The following AGBL1 variants were observed in gnomAD, a reference collection of about 807,000 sequenced individuals.
AGBL1 encodes the protein cytosolic carboxypeptidase 4.
Under a neutral mutation model 118.9 loss-of-function variants are expected in AGBL1, and 130 were observed. That is an observed-to-expected ratio of 1.09 (90% CI 0.95 to 1.26). AGBL1 has a LOEUF of 1.26. Ranked by LOEUF, AGBL1 falls within the 50% of genes most tolerant of loss-of-function variation. The pLI is 0.00. For missense variants in AGBL1, 1,584 were observed against 1,298.1 expected (o/e 1.22, Z -3.38); for synonymous variants, 555 against 478.9 (o/e 1.16, Z -2.08).
intron 22 of AGBL1, among the ~76,000 whole-genome samples, chr15:86,707,289 C>T (rs1317435782): frequency 6.6e-6 from 1 of 152,084 alleles, no homozygotes; most frequent in Non-Finnish European, 1.5e-5. Context: ...AAAAATAAAT[C>T]CAGGTATATA....
intron 3 of AGBL1, 76 bp downstream of exon 3, chr15:86,143,921 C>G: frequency 1.3e-6 from 2 of 1,531,248 alleles, no homozygotes; most frequent in Non-Finnish European, 1.8e-6. Flanking sequence ...ATTTGGGAAG[C>G]TTTGGTGGAG....
chr15:86,679,768 A>T (rs1361331035), intron 22 of AGBL1, among the ~76,000 whole-genome samples: 1 of 152,156 alleles, frequency 6.6e-6, no homozygotes, highest in African/African-American at 2.4e-5. Context: ...AGATTAGATG[A>T]TTAATTTTAT....
intron 22 of AGBL1, among the ~76,000 whole-genome samples, chr15:86,852,494 ACT>A (rs1376650752): frequency 2.0e-5 from 3 of 151,542 alleles, no homozygotes; most frequent in African/African-American, 4.9e-5. Context: ...CTATCTGGAA[ACT>A]CTATTCTGAT....
At chr15:86,800,122 A>C (rs1459504948) in intron 22 of AGBL1, among the ~76,000 whole-genome samples, 2 of 152,104 alleles carry the variant, frequency 1.3e-5, no homozygotes, top group East Asian at 1.9e-4. Flanking sequence ...CTTTAGCAAA[A>C]AACACCTGCA....
intron 21 of AGBL1, among the ~76,000 whole-genome samples, chr15:86,671,513 A>T (rs2085746141): frequency 1.3e-5 from 2 of 152,172 alleles, no homozygotes; most frequent in Admixed American, 1.3e-4. Flanking sequence ...CTTTTAAACA[A>T]ATCCGGAGCC....
At chr15:86,660,107 T>G (rs1396673739) in intron 21 of AGBL1, among the ~76,000 whole-genome samples, 1 of 151,610 alleles carries the variant, frequency 6.6e-6, no homozygotes, top group Admixed American at 6.6e-5. Context: ...GAACCATAGA[T>G]GTTTAGACCT....
At chr15:86,681,733 A>G (rs2085961446) in intron 22 of AGBL1, among the ~76,000 whole-genome samples, 1 of 152,176 alleles carries the variant, frequency 6.6e-6, no homozygotes, top group Non-Finnish European at 1.5e-5. Flanking sequence ...TCTTGTTTTA[A>G]TAGAAAGTAA....
At chr15:86,720,715 G>C (rs1036493987) in intron 22 of AGBL1, among the ~76,000 whole-genome samples, 1 of 152,058 alleles carries the variant, frequency 6.6e-6, no homozygotes, top group Admixed American at 6.6e-5. Context: ...TGGGACATAA[G>C]AAAGAAAAGA....
chr15:86,438,144 G>T (rs1293381550), intron 18 of AGBL1, among the ~76,000 whole-genome samples: 1 of 152,100 alleles, frequency 6.6e-6, no homozygotes. Context: ...CTGACCTCAT[G>T]ATCCATCCAT....
At chr15:86,827,964 A>C (rs1434799808) in intron 22 of AGBL1, among the ~76,000 whole-genome samples, 1 of 9,618 alleles carries the variant, frequency 1.0e-4, no homozygotes, top group South Asian at 3.1e-3. Context: ...TTTTTGAGAC[A>C]GTATCTTGTT....
At chr15:86,121,671 C>A (rs145800056) in intron 1 of AGBL1, among the ~76,000 whole-genome samples, 3 of 152,342 alleles carry the variant, frequency 2.0e-5, no homozygotes, top group South Asian at 2.1e-4. Context: ...GAGGAACCCA[C>A]GTTTCTAAAA....
intron 15 of AGBL1, among the ~76,000 whole-genome samples, chr15:86,276,942 A>C (rs2079261970): frequency 6.6e-6 from 1 of 152,092 alleles, no homozygotes; most frequent in Non-Finnish European, 1.5e-5. Context: ...AGGTCCTGGG[A>C]AAGTTTAAAG....
At chr15:86,159,687 T>C (rs116864563) in intron 5 of AGBL1, among the ~76,000 whole-genome samples, 1 of 152,178 alleles carries the variant, frequency 6.6e-6, no homozygotes, top group East Asian at 1.9e-4. Context: ...CTATCATTTA[T>C]GGGAGTGACT....
chr15:86,200,231 G>A (rs1334481205), intron 5 of AGBL1, among the ~76,000 whole-genome samples: 3 of 151,878 alleles, frequency 2.0e-5, no homozygotes, highest in Non-Finnish European at 2.9e-5. Flanking sequence ...ATTTATTTTA[G>A]GTGACAGCAC....
At chr15:86,747,780 C>T (rs2077778902) in intron 22 of AGBL1, among the ~76,000 whole-genome samples, 1 of 152,160 alleles carries the variant, frequency 6.6e-6, no homozygotes, top group South Asian at 2.1e-4. Flanking sequence ...TTTCCAGCTT[C>T]ATCCATGTCC....
At chr15:86,265,227 C>G (rs558398893) in intron 11 of AGBL1, among the ~76,000 whole-genome samples, 1 of 152,290 alleles carries the variant, frequency 6.6e-6, no homozygotes, top group African/African-American at 2.4e-5. Flanking sequence ...TTGCTTCCTA[C>G]AAATTGATAG....
Position 86,472,346 on chromosome 15 carries a change from T to C in AGBL1, c.2556-50464T>C, listed in dbSNP as rs188276474. Among the ~76,000 whole-genome samples the C allele has an allele frequency of 5.8e-4, 89 of 152,306 alleles. 1 individual carries two copies. The highest frequency in any genetic ancestry group is 2.0e-3 in the African/African-American group (84 of 41,578). ...AGGCATTTTTACTCCTTTGCTTCTA[T>C]GGCCTTAGGCTAAGATATCCTCTCC... On this transcript the variant is annotated intron_variant, in intron 18 of 22. Transcript: ENST00000614907.
intron 18 of AGBL1, among the ~76,000 whole-genome samples, chr15:86,457,121 G>A (rs1028077077): frequency 6.6e-6 from 1 of 151,484 alleles, no homozygotes. Context: ...CTTCAAATAC[G>A]CATTCTTAAA....
At chr15:86,691,604 G>A (rs867826919) in intron 22 of AGBL1, among the ~76,000 whole-genome samples, 3 of 152,042 alleles carry the variant, frequency 2.0e-5, no homozygotes, top group South Asian at 2.1e-4. Context: ...ATTGAGGTGG[G>A]TTTCAGACAT....
Sources: allele counts gnomAD v4.1 joint callset (sites outside exome capture counted in the v4.1 genomes callset), GRCh38; gene constraint gnomAD v4.1.1; transcripts MANE v1.5; gene names NCBI Gene and HGNC (gene_info 2026-07-23, HGNC 2026-07-21).